Variants in RALYL observed in about 807,000 individuals in gnomAD.
The protein encoded by RALYL is RALY RNA binding protein like.
Under a neutral mutation model 35.1 loss-of-function variants are expected in RALYL, and 29 were observed. The observed-to-expected ratio is 0.83, with a 90% CI of 0.61 to 1.13. RALYL has a LOEUF of 1.13. Among genes scored for constraint, RALYL ranks in the 50% most tolerant of loss-of-function variants. The pLI is 0.00. For synonymous variants in RALYL, 120 were observed against 127.6 expected, an observed-to-expected ratio of 0.94 and a Z score of 0.40; for missense variants, 359 against 360.4, an observed-to-expected ratio of 1.00 and a Z score of 0.03.
intron 2 of RALYL, among the ~76,000 whole-genome samples, chr8:84,714,564 T>C (rs549029373): frequency 2.6e-5 from 4 of 151,954 alleles, no homozygotes; most frequent in Non-Finnish European, 5.9e-5. Context: ...CAGTTTGACA[T>C]GACTAAAGAA....
At chr8:84,469,175 A>G (rs2052277024) in intron 1 of RALYL, among the ~76,000 whole-genome samples, 1 of 151,980 alleles carries the variant, frequency 6.6e-6, no homozygotes, top group East Asian at 1.9e-4. Flanking sequence ...GTTTTGTTCC[A>G]TTGCTGGTGA....
At chr8:84,628,985 C>T (rs1486898938) in intron 2 of RALYL, among the ~76,000 whole-genome samples, 7 of 151,944 alleles carry the variant, frequency 4.6e-5, no homozygotes, top group Non-Finnish European at 8.8e-5. Flanking sequence ...ATAGACATCT[C>T]AACTATCTGG....
Position 84,309,848 on chromosome 8 carries a change from C to T in RALYL, c.-24+125424C>T, listed in dbSNP as rs184252535. On this transcript the variant is annotated intron_variant, in intron 1 of 8. Coordinates refer to ENST00000521268, the MANE Select transcript of RALYL (RefSeq NM_173848.7). ...TGTCACTCAGTCTGGAGTGCAGTGG[C>T]GCCATCTCAGCTCACTGCAACCCCC... 7.8e-3 allele frequency among the ~76,000 whole-genome samples: 1,186 copies of T among 152,106 alleles called. 20 individuals are homozygous for T. The highest frequency in any genetic ancestry group is 0.027 in the African/African-American group (1,136 of 41,514).
intron 1 of RALYL, among the ~76,000 whole-genome samples, chr8:84,324,914 T>A (rs73688484): frequency 0.012 from 1,826 of 152,216 alleles, 40 homozygotes; most frequent in African/African-American, 0.042. Flanking sequence ...ATATATCATG[T>A]AAAGGCCCTT....
intron 2 of RALYL, among the ~76,000 whole-genome samples, chr8:84,690,321 T>TA (rs1355209666): frequency 1.3e-5 from 2 of 152,134 alleles, no homozygotes; most frequent in Non-Finnish European, 2.9e-5. Context: ...ATGTGGAATC[T>TA]AAAAAAATCA....
At chr8:84,471,087 A>G (rs1042270223) in intron 1 of RALYL, among the ~76,000 whole-genome samples, 4 of 152,208 alleles carry the variant, frequency 2.6e-5, no homozygotes, top group Admixed American at 6.5e-5. Context: ...ACTGGAATCA[A>G]TATAAGAGTT....
Position 84,920,938 on chromosome 8 carries a change from G to A in RALYL, c.*27G>A. On this transcript the variant is annotated 3_prime_UTR_variant, in exon 9 of 9. Transcript: ENST00000521268. ...CTGAAATAACGCATGATGCCACAAA[G>A]CAGAAAAGAGAAACTGTGACAACCC... The A allele has an allele frequency of 3.6e-6, 5 of 1,402,128 alleles. No homozygotes were observed. The highest frequency in any genetic ancestry group is 1.5e-5 in the South Asian group (1 of 67,692). The allele number at this position is 1,402,128 out of a possible 1,614,324, so 86.9% of individuals were successfully genotyped here. A position where few individuals can be genotyped will look rare whatever the true frequency, so the allele number is the denominator to read the frequency against.
chr8:84,432,739 G>T (rs1025458103), intron 1 of RALYL, among the ~76,000 whole-genome samples: 1 of 152,040 alleles, frequency 6.6e-6, no homozygotes. Flanking sequence ...AAGATGCCAC[G>T]TGATGATAGA....
chr8:84,437,119 T>C (rs1305707248), intron 1 of RALYL, among the ~76,000 whole-genome samples: 1 of 152,104 alleles, frequency 6.6e-6, no homozygotes. Context: ...TGAGAACATG[T>C]TGTATTTGGT....
At chr8:84,333,708 C>T (rs893505025) in intron 1 of RALYL, among the ~76,000 whole-genome samples, 23 of 152,238 alleles carry the variant, frequency 1.5e-4, no homozygotes, top group African/African-American at 5.5e-4. Context: ...AATTGAGTCA[C>T]ACAGCTTAGG....
intron 2 of RALYL, among the ~76,000 whole-genome samples, chr8:84,604,180 C>A (rs2130786089): frequency 6.6e-6 from 1 of 152,206 alleles, no homozygotes; most frequent in Middle Eastern, 3.4e-3. Flanking sequence ...CTATTTGAAT[C>A]TCTTACAATA....
intron 1 of RALYL, among the ~76,000 whole-genome samples, chr8:84,499,550 G>A (rs1303555302): frequency 6.6e-6 from 1 of 152,086 alleles, no homozygotes; most frequent in Non-Finnish European, 1.5e-5. Context: ...ACAGAGACCT[G>A]TTATATAATG....
At chr8:84,677,623 A>G (rs1834479162) in intron 2 of RALYL, among the ~76,000 whole-genome samples, 1 of 152,206 alleles carries the variant, frequency 6.6e-6, no homozygotes, top group Admixed American at 6.5e-5. Flanking sequence ...AAGAATAAAG[A>G]TTGCTTCTAA....
At chr8:84,747,442 T>C (rs1033610132) in intron 2 of RALYL, among the ~76,000 whole-genome samples, 5 of 151,878 alleles carry the variant, frequency 3.3e-5, no homozygotes, top group Non-Finnish European at 5.9e-5. Context: ...TTTTAAGAGA[T>C]TGAATTTCTC....
At chr8:84,915,433 C>G (rs551985033) in intron 8 of RALYL, among the ~76,000 whole-genome samples, 157 of 152,138 alleles carry the variant, frequency 1.0e-3, no homozygotes, top group Non-Finnish European at 2.0e-3. Flanking sequence ...TTCTGCCTGG[C>G]TATCTTACTG....
At chr8:84,331,683 T>C (rs779023716) in intron 1 of RALYL, among the ~76,000 whole-genome samples, 4 of 152,022 alleles carry the variant, frequency 2.6e-5, no homozygotes, top group Admixed American at 6.6e-5. Context: ...ATATTTTTCA[T>C]AGAAGTAAAT....
intron 1 of RALYL, among the ~76,000 whole-genome samples, chr8:84,278,672 C>T (rs932611380): frequency 1.3e-5 from 2 of 152,148 alleles, no homozygotes; most frequent in Non-Finnish European, 2.9e-5. Context: ...AGGGCAGGGG[C>T]AAAATGCTGC....
chr8:84,413,357 G>A (rs922949317), intron 1 of RALYL, among the ~76,000 whole-genome samples: 1 of 150,762 alleles, frequency 6.6e-6, no homozygotes, highest in African/African-American at 2.4e-5. Context: ...AAACATTTTG[G>A]TTATTTGGGA....
chr8:84,209,586 A>T (rs1818953211), intron 1 of RALYL, among the ~76,000 whole-genome samples: 1 of 152,114 alleles, frequency 6.6e-6, no homozygotes, highest in Non-Finnish European at 1.5e-5. Context: ...CTTATGCCAA[A>T]TTTAGAATTA....
Sources: gnomAD v4.1 joint callset for allele counts (sites outside exome capture counted in the v4.1 genomes callset) on GRCh38, gnomAD v4.1.1 for gene constraint, MANE v1.5 for transcripts, NCBI Gene and HGNC (gene_info 2026-07-23, HGNC 2026-07-21) for gene names.